Variants in ALCAM observed in about 807,000 individuals in gnomAD.
ALCAM encodes activated leukocyte cell adhesion molecule.
ALCAM carries 30 observed loss-of-function variants against 70.9 expected under a neutral mutation model. The ratio of observed to expected loss-of-function variants is 0.42; its 90% CI spans 0.32 to 0.57. The LOEUF is 0.57. Ranked by LOEUF, ALCAM falls within the 20% of genes least tolerant of loss-of-function variation. The pLI is 0.11. For synonymous variants in ALCAM, 249 were observed against 242.5 expected, an observed-to-expected ratio of 1.03 and a Z score of -0.25; for missense variants, 591 against 695.1, an observed-to-expected ratio of 0.85 and a Z score of 1.68.
rs1271023932 is a variant in ALCAM at position 105,575,556 on chromosome 3, C to A, written c.*1105C>A. The A allele has an allele frequency of 6.6e-6, 1 of 152,428 alleles. No homozygotes were observed. The highest frequency in any genetic ancestry group is 1.5e-5 in the Non-Finnish European group (1 of 68,006). The allele number at this position is 152,428 out of a possible 1,614,324, so 9.4% of individuals were successfully genotyped here. On this transcript the variant is annotated 3_prime_UTR_variant, in exon 16 of 16. Transcript: ENST00000306107. ...TTTAACTGATACATAATTTATCAAG[C>A]AGTACATGAAAGTGTAATAATAAAA...
intron 1 of ALCAM, among the ~76,000 whole-genome samples, chr3:105,501,557 CTATAAGG>C (rs1938922917): frequency 6.6e-6 from 1 of 152,056 alleles, no homozygotes; most frequent in Non-Finnish European, 1.5e-5. Context: ...AAATAAAAAT[CTATAAGG>C]TATAAGAATC....
intron 1 of ALCAM, among the ~76,000 whole-genome samples, chr3:105,484,733 G>A (rs1938375710): frequency 6.6e-6 from 1 of 152,064 alleles, no homozygotes. Flanking sequence ...TTTTTACACT[G>A]TGATAATTAT....
intron 14 of ALCAM, among the ~76,000 whole-genome samples, chr3:105,565,002 C>A (rs186539778): frequency 1.6e-3 from 245 of 152,184 alleles, no homozygotes; most frequent in Non-Finnish European, 2.6e-4. Flanking sequence ...TGCACTCCAG[C>A]CCGGGCAACA....
intron 9 of ALCAM, among the ~76,000 whole-genome samples, chr3:105,545,897 C>T (rs191808654): frequency 6.6e-6 from 1 of 151,426 alleles, no homozygotes; most frequent in Non-Finnish European, 1.5e-5. Flanking sequence ...ACAGGTTCCA[C>T]TGGATCAAGG....
At chr3:105,465,750 T>C (rs1432446309) in intron 1 of ALCAM, among the ~76,000 whole-genome samples, 1 of 151,502 alleles carries the variant, frequency 6.6e-6, no homozygotes, top group African/African-American at 2.4e-5. Context: ...AACATTAGTA[T>C]GTATTTGTTA....
intron 1 of ALCAM, among the ~76,000 whole-genome samples, chr3:105,388,340 G>A (rs1411238438): frequency 2.0e-5 from 3 of 151,518 alleles, no homozygotes; most frequent in South Asian, 2.1e-4. Context: ...CTCCACAGAC[G>A]ACTGTCCCAC....
At chr3:105,528,649 T>C (rs1478423238) in intron 3 of ALCAM, among the ~76,000 whole-genome samples, 1 of 152,148 alleles carries the variant, frequency 6.6e-6, no homozygotes, top group Admixed American at 6.5e-5. Flanking sequence ...AAATACTGCA[T>C]GTTCTCACTT....
At chr3:105,500,771 A>C (rs2152615871) in intron 1 of ALCAM, among the ~76,000 whole-genome samples, 2 of 152,288 alleles carry the variant, frequency 1.3e-5, no homozygotes, top group African/African-American at 4.8e-5. Context: ...GCAATAAATT[A>C]TCTCTAAGGT....
At chr3:105,544,660 C>A (rs1212089176) in intron 8 of ALCAM, 1 of 157,574 alleles carries the variant, frequency 6.3e-6, no homozygotes, top group Non-Finnish European at 1.4e-5. Flanking sequence ...TTTTCTCATA[C>A]AGATCAGACT....
chr3:105,510,194 C>T lies in ALCAM; in HGVS notation c.74-9873C>T, dbSNP rs74702548. Among the ~76,000 whole-genome samples the T allele has an allele frequency of 8.8e-4, 133 of 151,972 alleles. No homozygotes were observed. In the East Asian group the frequency reaches 0.018, roughly 21 times the overall value. ...AGCATACCGCAGAGTAAAGATGGTC[C>T]CAAGTGAAAGGGAGAGGATATGAAG... On this transcript the variant is annotated intron_variant, in intron 1 of 15. Coordinates refer to ENST00000306107, the MANE Select transcript of ALCAM (RefSeq NM_001627.4).
At chr3:105,432,753 TCCAA>T (rs1405814940) in intron 1 of ALCAM, among the ~76,000 whole-genome samples, 1 of 152,106 alleles carries the variant, frequency 6.6e-6, no homozygotes. Flanking sequence ...AGTACTCCAC[TCCAA>T]TAGTTTTCTT....
intron 1 of ALCAM, among the ~76,000 whole-genome samples, chr3:105,471,483 A>G (rs1019015833): frequency 1.3e-5 from 2 of 151,254 alleles, no homozygotes; most frequent in African/African-American, 2.4e-5. Context: ...TTCCACGTAA[A>G]TACGACTTCA....
intron 1 of ALCAM, among the ~76,000 whole-genome samples, chr3:105,378,049 C>A (rs1057101902): frequency 6.6e-6 from 1 of 151,862 alleles, no homozygotes; most frequent in Non-Finnish European, 1.5e-5. Context: ...ATCTTTTGAA[C>A]AATTCTTCCA....
chr3:105,371,978 G>A lies in ALCAM; in HGVS notation c.73+4497G>A, dbSNP rs75811498. On this transcript the variant is annotated intron_variant, in intron 1 of 15. Coordinates refer to ENST00000306107, the MANE Select transcript of ALCAM (RefSeq NM_001627.4). ...TGTGTGACACATGTATGTGACATAT[G>A]AAGAATGAACTAACTTACTGGAATA... Among the ~76,000 whole-genome samples, 1,097 of 152,246 alleles carry A rather than the reference G, an allele frequency of 7.2e-3. 5 individuals carry two copies. The highest frequency in any genetic ancestry group is 0.011 in the Non-Finnish European group (769 of 67,954).
intron 3 of ALCAM, among the ~76,000 whole-genome samples, chr3:105,526,575 A>G (rs887428401): frequency 6.6e-6 from 1 of 152,200 alleles, no homozygotes; most frequent in Non-Finnish European, 1.5e-5. Context: ...GAGAATTTAC[A>G]TAGACAAGTT....
At chr3:105,446,342 G>A (rs908793567) in intron 1 of ALCAM, among the ~76,000 whole-genome samples, 1 of 152,014 alleles carries the variant, frequency 6.6e-6, no homozygotes, top group Non-Finnish European at 1.5e-5. Context: ...TGGCAGATGT[G>A]GGGAAAGGGA....
chr3:105,540,743 CA>C (rs1402930665), intron 7 of ALCAM, among the ~76,000 whole-genome samples: 1 of 151,996 alleles, frequency 6.6e-6, no homozygotes, highest in Non-Finnish European at 1.5e-5. Flanking sequence ...TGTTTGACAT[CA>C]CTTTCACATT....
intron 1 of ALCAM, among the ~76,000 whole-genome samples, chr3:105,409,953 A>G (rs1936345235): frequency 6.6e-6 from 1 of 152,062 alleles, no homozygotes; most frequent in South Asian, 2.1e-4. Flanking sequence ...TCCATGAGAG[A>G]GGTACTTTGT....
At chr3:105,534,603 G>C in intron 5 of ALCAM, 60 bp from the exon 6 acceptor site, 5 of 1,520,886 alleles carry the variant, frequency 3.3e-6, no homozygotes, top group Non-Finnish European at 4.6e-6. Context: ...GTGCTGTTTC[G>C]TTAAGGATTG....
Sources: gnomAD v4.1 joint callset for allele counts (sites outside exome capture counted in the v4.1 genomes callset) on GRCh38, gnomAD v4.1.1 for gene constraint, MANE v1.5 for transcripts, NCBI Gene and HGNC (gene_info 2026-07-23, HGNC 2026-07-21) for gene names.